The following GLE1 variants were observed in gnomAD, a reference collection of about 807,000 sequenced individuals.
GLE1 encodes the protein GLE1 RNA export mediator, also known as mRNA export factor GLE1.
GLE1 carries 78 observed loss-of-function variants against 97.3 expected under a neutral mutation model. That is an observed-to-expected ratio of 0.80 (90% CI 0.67 to 0.97). The LOEUF (loss-of-function observed/expected upper bound fraction) is 0.97. GLE1 is among the 50% of genes least tolerant of loss of function. The probability of loss-of-function intolerance (pLI) is 0.00; values close to 1 mark genes in which losing one functional copy is unlikely to be tolerated. For missense variants in GLE1, 753 were observed against 857.5 expected (o/e 0.88, Z 1.52); for synonymous variants, 302 against 313.4 (o/e 0.96, Z 0.39).
intron 5 of GLE1, 70 bp from the exon 6 acceptor site, chr9:128,523,522 A>C: frequency 6.3e-7 from 1 of 1,586,152 alleles, no homozygotes; most frequent in Non-Finnish European, 8.6e-7. Flanking sequence ...GCCCACGTAG[A>C]ATTTGAGGAC....
chr9:128,533,949 G>A lies in GLE1; in HGVS notation c.1644G>A (p.Gln548=), dbSNP rs761489498. Residue 548 remains glutamine (Q), a splice_region_variant and synonymous_variant, in exon 11 of 16, where the codon CAG becomes CAA. Coordinates refer to ENST00000309971, the MANE Select transcript of GLE1 (RefSeq NM_001003722.2). ...FKEGMALEDY[Q]RMLGYQVKDS... ...AGGGAATGGCTTTGGAAGACTATCAGAGGTAAAGTTGTTTTTCTCCCTACT... is the reference window on the plus strand; with the variant it reads ...AGGGAATGGCTTTGGAAGACTATCAAAGGTAAAGTTGTTTTTCTCCCTACT... The A allele has an allele frequency of 1.9e-6, 3 of 1,599,812 alleles. No individual in the cohort carries two copies. Among genetic ancestry groups the A allele is most frequent in the Non-Finnish European group, 2.6e-6 (3 of 1,167,046 alleles).
In GLE1 at chr9:128,510,926, G is replaced by A. The variant is rs542746839; in HGVS notation, c.321+1829G>A. On this transcript the variant is annotated intron_variant, in intron 2 of 15. Transcript: ENST00000309971. ...TTAGTCTTTAAAAAATATTCTTTGT[G>A]GCCACGTGTGGTGGCTCACACGTGT... 2.6e-4 allele frequency among the ~76,000 whole-genome samples: 38 copies of A among 148,588 alleles called. 1 individual carries two copies. Among genetic ancestry groups the A allele is most frequent in the Admixed American group, 2.2e-3 (33 of 14,744 alleles).
chr9:128,531,214 CAA>C (rs34976261), intron 9 of GLE1, among the ~76,000 whole-genome samples: 16 of 40,852 alleles, frequency 3.9e-4, no homozygotes, highest in African/African-American at 4.5e-4. Context: ...AACTCCATCT[CAA>C]AAAAAAAAAA....
intron 12 of GLE1, among the ~76,000 whole-genome samples, chr9:128,537,298 C>T (rs1847741331): frequency 5.3e-5 from 8 of 151,424 alleles, no homozygotes; most frequent in Admixed American, 4.6e-4. Context: ...ACTAAAAATA[C>T]AAAAATTAGC....
At chr9:128,518,071 T>C (rs577954185) in intron 3 of GLE1, among the ~76,000 whole-genome samples, 9 of 152,294 alleles carry the variant, frequency 5.9e-5, no homozygotes, top group African/African-American at 2.2e-4. Context: ...GCCAGCATAT[T>C]GTTTTGGAAT....
chr9:128,504,948 C>A, intron 1 of GLE1, 44 bp downstream of exon 1: 1 of 1,277,060 alleles, frequency 7.8e-7, no homozygotes, highest in Non-Finnish European at 1.1e-6. Context: ...CGGCCCCTCG[C>A]GACCGAAACC....
chr9:128,527,584 C>G, intron 9 of GLE1, 59 bp downstream of exon 9: 1 of 980,714 alleles, frequency 1.0e-6, no homozygotes, highest in Non-Finnish European at 1.7e-6. Flanking sequence ...TTTCAGACTC[C>G]AAATCTATGT....
intron 6 of GLE1, 152 bp from the exon 7 acceptor site, chr9:128,525,040 A>G: frequency 1.4e-6 from 1 of 700,270 alleles, no homozygotes; most frequent in Non-Finnish European, 2.6e-6. Flanking sequence ...AATTATTAAT[A>G]CCTTTAAGAG....
intron 3 of GLE1, among the ~76,000 whole-genome samples, chr9:128,516,957 T>G (rs1318917309): frequency 2.0e-5 from 3 of 151,808 alleles, no homozygotes; most frequent in Non-Finnish European, 4.4e-5. Context: ...AAGCAATGCA[T>G]GATCTTGTAA....
chr9:128,533,329 G>C (rs1290271049), intron 9 of GLE1, among the ~76,000 whole-genome samples, 184 bp from the exon 10 acceptor site: 2 of 150,596 alleles, frequency 1.3e-5, no homozygotes, highest in Admixed American at 6.6e-5. Flanking sequence ...TACTCAGGAG[G>C]CTGAGGCAGA....
At chr9:128,527,969 C>CA (rs1487242104) in intron 9 of GLE1, among the ~76,000 whole-genome samples, 1 of 141,438 alleles carries the variant, frequency 7.1e-6, no homozygotes, top group Non-Finnish European at 1.5e-5. Flanking sequence ...GTCTCAAAAA[C>CA]AAAAAAAGAA....
At chr9:128,537,289 C>T (rs991373474) in intron 12 of GLE1, among the ~76,000 whole-genome samples, 1 of 150,432 alleles carries the variant, frequency 6.6e-6, no homozygotes, top group Admixed American at 6.6e-5. Flanking sequence ...CCCGTCTCTA[C>T]TAAAAATACA....
At chr9:128,521,022 C>CA (rs1012402776) in intron 3 of GLE1, among the ~76,000 whole-genome samples, 4 of 152,062 alleles carry the variant, frequency 2.6e-5, no homozygotes, top group Non-Finnish European at 5.9e-5. Context: ...TTGGCCTCCT[C>CA]AAGTGCTGGG....
intron 2 of GLE1, among the ~76,000 whole-genome samples, chr9:128,514,514 C>T (rs1157173232): frequency 4.1e-5 from 6 of 147,680 alleles, no homozygotes; most frequent in Admixed American, 2.1e-4. Context: ...ACGATCTCTG[C>T]GCACTGCAAG....
Position 128,533,630 on chromosome 9 carries a change from A to G in GLE1, c.1430A>G (p.Gln477Arg). 1 of 1,614,198 alleles carries G rather than the reference A, an allele frequency of 6.2e-7. No individual in the cohort carries two copies. Among genetic ancestry groups the G allele is most frequent in the Non-Finnish European group, 8.5e-7 (1 of 1,180,044 alleles). Residue 477 changes from glutamine to arginine, a missense_variant, in exon 10 of 16, where the codon CAA (glutamine) becomes CGA (arginine). Coordinates refer to ENST00000309971, the MANE Select transcript of GLE1 (RefSeq NM_001003722.2). ...TLNPQGLDFV[Q>R]YKLAEKFVKQ... Reference sequence around the variant, plus strand: ...AACCCACAGGGGCTGGACTTTGTTCAATACAAACTGGCAGAGAAATTTGTG... The same window carrying G: ...AACCCACAGGGGCTGGACTTTGTTCGATACAAACTGGCAGAGAAATTTGTG...
intron 4 of GLE1, 143 bp downstream of exon 4, chr9:128,522,959 GA>G: frequency 2.9e-6 from 3 of 1,027,216 alleles, no homozygotes; most frequent in East Asian, 2.6e-5. Flanking sequence ...TTATAACCTG[GA>G]AAAAAGACCA....
At chr9:128,525,477 GAAAC>G in intron 7 of GLE1, 54 bp downstream of exon 7, 1 of 1,069,132 alleles carries the variant, frequency 9.4e-7, no homozygotes, top group Non-Finnish European at 1.4e-6. Flanking sequence ...AATGTGAAGA[GAAAC>G]AAGAGCATGT....
chr9:128,534,085 C>T (rs574406634), intron 11 of GLE1, 134 bp downstream of exon 11: 16 of 744,450 alleles, frequency 2.1e-5, no homozygotes, highest in African/African-American at 1.9e-4. Flanking sequence ...TAATGTCTTT[C>T]GGCCGGGTGC....
At chr9:128,507,614 G>A (rs1490457223) in intron 1 of GLE1, among the ~76,000 whole-genome samples, 4 of 151,548 alleles carry the variant, frequency 2.6e-5, no homozygotes, top group South Asian at 2.1e-4. Context: ...ATAGTCGGGC[G>A]TGGTGGCTCA....
Sources: gnomAD v4.1 joint callset for allele counts (sites outside exome capture counted in the v4.1 genomes callset) on GRCh38, gnomAD v4.1.1 for gene constraint, MANE v1.5 for transcripts, NCBI Gene and HGNC (gene_info 2026-07-23, HGNC 2026-07-21) for gene names.